The following TENM1 variants were observed in gnomAD, a reference collection of about 807,000 sequenced individuals.
The protein encoded by TENM1 is teneurin-1.
A neutral mutation model predicts 174.8 loss-of-function variants in TENM1; 35 were observed. That is an observed-to-expected ratio of 0.20 (90% CI 0.15 to 0.27). The LOEUF (loss-of-function observed/expected upper bound fraction) is 0.27, where lower values mean the gene tolerates loss of function less well. TENM1 is among the 10% of genes least tolerant of loss of function. The pLI, the probability that TENM1 is intolerant of heterozygous loss-of-function variation, is 1.00. For synonymous variants in TENM1, 781 were observed against 798.7 expected, an observed-to-expected ratio of 0.98 and a Z score of 0.37; for missense variants, 1,633 against 2,130.1, an observed-to-expected ratio of 0.77 and a Z score of 4.59.
chrX:124,506,016 AAC>A (rs2047439779), intron 18 of TENM1, among the ~76,000 whole-genome samples: 1 of 111,923 alleles, frequency 8.9e-6, no homozygotes, highest in African/African-American at 3.3e-5. Context: ...TGTGTAGGAT[AAC>A]ACAGTTTCTG....
intron 1 of TENM1, among the ~76,000 whole-genome samples, chrX:124,943,940 T>C (rs2058365811): frequency 8.9e-6 from 1 of 112,091 alleles, no homozygotes; most frequent in African/African-American, 3.2e-5. Flanking sequence ...TCTTTAGAAT[T>C]AGGAAAAACC....
chrX:124,830,020 C>T (rs1305729441), intron 3 of TENM1, among the ~76,000 whole-genome samples: 7 of 111,634 alleles, frequency 6.3e-5, no homozygotes, highest in Admixed American at 3.8e-4. Flanking sequence ...TAGGTGGTCC[C>T]GGCTTAGTGT....
chrX:125,158,266 G>C, the TENM1 span, among the ~76,000 whole-genome samples: 3 of 108,691 alleles, frequency 2.8e-5, no homozygotes, highest in Non-Finnish European at 5.7e-5. Flanking sequence ...AGCTGGGCAT[G>C]GTGGTGCATG....
chrX:125,039,817 A>AGCCACCGCGCCCGGCC, the TENM1 span, among the ~76,000 whole-genome samples: 1 of 110,574 alleles, frequency 9.0e-6, no homozygotes, highest in African/African-American at 3.4e-5. Flanking sequence ...GAAAACACTG[A>AGCCACCGCGCCCGGCC]GCCTTTTCTT....
At chrX:124,759,649 T>C (rs7061745) in intron 3 of TENM1, among the ~76,000 whole-genome samples, 18,335 of 111,496 alleles carry the variant, frequency 0.16, 1,870 homozygotes, top group African/African-American at 0.38. Context: ...TGTGTACATA[T>C]ATATCATACA....
upstream of TENM1, chrX:124,963,874 T>C (rs916966551): frequency 7.0e-6 from 4 of 570,553 alleles, no homozygotes; most frequent in South Asian, 2.9e-5. Flanking sequence ...TGTGAGGAAA[T>C]GCATCTGGCA....
chrX:124,562,148 T>C, intron 13 of TENM1, among the ~76,000 whole-genome samples: 1 of 111,861 alleles, frequency 8.9e-6, no homozygotes, highest in East Asian at 2.8e-4. Flanking sequence ...CAATCAAAAC[T>C]ATACGGATGA....
At chrX:125,015,508 C>G in the TENM1 span, among the ~76,000 whole-genome samples, 1 of 111,807 alleles carries the variant, frequency 8.9e-6, no homozygotes, top group African/African-American at 3.2e-5. Context: ...GTTGTCACTG[C>G]TGAGATTCAA....
the TENM1 span, among the ~76,000 whole-genome samples, chrX:125,185,547 T>C: frequency 8.9e-6 from 1 of 112,652 alleles, no homozygotes; most frequent in Admixed American, 9.4e-5. Flanking sequence ...ATGCAATAAA[T>C]ACAACTGACT....
the TENM1 span, among the ~76,000 whole-genome samples, chrX:125,105,081 C>G: frequency 3.6e-5 from 4 of 111,730 alleles, no homozygotes; most frequent in Non-Finnish European, 5.6e-5. Context: ...AGAATTAAAC[C>G]TTGTAGGTTT....
At chrX:125,068,021 C>A in the TENM1 span, among the ~76,000 whole-genome samples, 4 of 111,822 alleles carry the variant, frequency 3.6e-5, no homozygotes, top group South Asian at 1.5e-3. Flanking sequence ...AAGTAAAACA[C>A]ACTCTGATTT....
At chrX:124,504,248 A>C (rs1366503566) in intron 18 of TENM1, among the ~76,000 whole-genome samples, 1 of 112,354 alleles carries the variant, frequency 8.9e-6, no homozygotes, top group Non-Finnish European at 1.9e-5. Flanking sequence ...GTTTGCTGAG[A>C]CTAAGTTTGC....
the TENM1 span, among the ~76,000 whole-genome samples, chrX:125,002,015 T>G: frequency 3.9e-4 from 42 of 108,080 alleles, no homozygotes; most frequent in East Asian, 4.8e-3. Context: ...CCTCCTGTCA[T>G]GAAAGTTTAT....
chrX:124,960,878 A>C (rs2058642651), intron 1 of TENM1, among the ~76,000 whole-genome samples: 1 of 112,099 alleles, frequency 8.9e-6, no homozygotes, highest in Non-Finnish European at 1.9e-5. Flanking sequence ...CCCAATTGTC[A>C]GGCAGAAGAA....
the TENM1 span, among the ~76,000 whole-genome samples, chrX:125,089,599 A>G: frequency 8.9e-6 from 1 of 112,088 alleles, no homozygotes; most frequent in East Asian, 2.8e-4. Flanking sequence ...TAATTTAAAC[A>G]TGTCATGTCT....
At chrX:124,462,032 C>T (rs1408533694) in intron 22 of TENM1, among the ~76,000 whole-genome samples, 1 of 111,308 alleles carries the variant, frequency 9.0e-6, no homozygotes, top group Admixed American at 9.6e-5. Context: ...AAGGTCGTTT[C>T]ATTTTCAGTA....
At chrX:124,955,631 C>T (rs908308005) in intron 1 of TENM1, among the ~76,000 whole-genome samples, 5 of 110,745 alleles carry the variant, frequency 4.5e-5, no homozygotes, top group South Asian at 3.8e-4. Context: ...CTTTTACTCC[C>T]GTAGTTTCAT....
chrX:124,781,273 T>G (rs928548574), intron 3 of TENM1, among the ~76,000 whole-genome samples: 5 of 111,641 alleles, frequency 4.5e-5, no homozygotes, highest in African/African-American at 1.6e-4. Flanking sequence ...AAGAATAAAA[T>G]CCAACTTCCA....
chrX:124,757,591 A>G (rs2054295862), intron 3 of TENM1, among the ~76,000 whole-genome samples: 1 of 112,068 alleles, frequency 8.9e-6, no homozygotes, highest in African/African-American at 3.2e-5. Flanking sequence ...TGCGTCGCTC[A>G]CGCTGGGAGC....
Sources: gnomAD v4.1 joint callset for allele counts (sites outside exome capture counted in the v4.1 genomes callset) on GRCh38, gnomAD v4.1.1 for gene constraint, MANE v1.5 for transcripts, NCBI Gene and HGNC (gene_info 2026-07-23, HGNC 2026-07-21) for gene names.